The following RIOK1 variants were observed in gnomAD, a reference collection of about 807,000 sequenced individuals.
RIOK1 encodes the protein RIO kinase 1.
In RIOK1, 66 loss-of-function variants were observed where a neutral mutation model predicts 73.5. The observed-to-expected ratio is 0.90, with a 90% confidence interval of 0.74 to 1.10. RIOK1 has a LOEUF of 1.10. RIOK1 is among the 50% of genes least tolerant of loss of function. The pLI is 0.00. For synonymous variants in RIOK1, 224 were observed against 226.8 expected (o/e 0.99, Z 0.11); for missense variants, 658 against 699.8 (o/e 0.94, Z 0.67).
intron 9 of RIOK1, among the ~76,000 whole-genome samples, 167 bp downstream of exon 9, chr6:7,404,194 G>T (rs1761683428): frequency 6.6e-6 from 1 of 152,138 alleles, no homozygotes; most frequent in East Asian, 1.9e-4. Flanking sequence ...GTCTGAAAAT[G>T]CTTCAGAATG....
At position 7,417,328 on chromosome 6, in the gene RIOK1, CAGG is replaced by C; in HGVS notation, c.1597-1_1598del. 6.7e-7 allele frequency: 1 copy of C among 1,496,628 alleles called. No individual in the cohort carries two copies. Among genetic ancestry groups the C allele is most frequent in the Non-Finnish European group, 8.9e-7 (1 of 1,118,454 alleles). 92.7% of individuals were successfully genotyped at this position (1,496,628 alleles called of 1,614,324 possible). On this transcript the variant is annotated splice_acceptor_variant and coding_sequence_variant, in exon 17 of 17. Coordinates refer to ENST00000379834, the MANE Select transcript of RIOK1 (RefSeq NM_031480.3). LOFTEE classifies it high-confidence loss of function. The stretch of plus-strand genomic sequence containing the variant: ...AGTTGGCTTTTTTGTTTGTTTTTTA[CAGG>C]AAAGAAAAAAGATGGTCAAGGAAGC...
At chr6:7,408,421 C>T (rs1288939472) in intron 12 of RIOK1, among the ~76,000 whole-genome samples, 1 of 136,578 alleles carries the variant, frequency 7.3e-6, no homozygotes, top group Non-Finnish European at 1.6e-5. Context: ...CAACTTTGCT[C>T]CGCCTGGTGA....
At chr6:7,396,668 C>T in intron 3 of RIOK1, 35 bp from the exon 4 acceptor site, 1 of 1,332,092 alleles carries the variant, frequency 7.5e-7, no homozygotes, top group East Asian at 2.3e-5. Flanking sequence ...TTTCGTCTTA[C>T]ATATTGTTTA....
chr6:7,401,394 A>T (rs918195920), intron 6 of RIOK1, among the ~76,000 whole-genome samples: 8 of 152,122 alleles, frequency 5.3e-5, no homozygotes, highest in African/African-American at 1.9e-4. Context: ...ACCTACGGGT[A>T]TACTGCCTTC....
intron 8 of RIOK1, 148 bp from the exon 9 acceptor site, chr6:7,403,793 T>C: frequency 1.9e-6 from 1 of 533,582 alleles, no homozygotes; most frequent in African/African-American, 1.9e-5. Context: ...CTTAAAATAA[T>C]CTTAGAGTTT....
chr6:7,400,492 T>C (rs1761584692), intron 5 of RIOK1, among the ~76,000 whole-genome samples: 1 of 152,208 alleles, frequency 6.6e-6, no homozygotes. Context: ...GGAGACTTAG[T>C]GTCAAAAACA....
At position 7,404,933 on chromosome 6, in the gene RIOK1, C is replaced by T. The variant is rs753416457; in HGVS notation, c.1008C>T (p.Gly336=). ...SEFNMLYHGG[G]VYIIDVSQSV... is the part of the protein sequence containing the mutation. ...TGGCCCATAGGTACCACGGTGGAGG[C>T]GTGTATATCATTGACGTGTCTCAGT... The change falls in exon 11 of 17, where the codon GGC becomes GGT. Residue 336 remains glycine (G), a synonymous_variant. Coordinates refer to ENST00000379834, the MANE Select transcript of RIOK1 (RefSeq NM_031480.3). 2.7e-5 allele frequency: 43 copies of T among 1,613,448 alleles called. No homozygotes were observed. Among genetic ancestry groups the T allele is most frequent in the Non-Finnish European group, 3.2e-5 (38 of 1,179,528 alleles).
chr6:7,391,208 T>TG (rs1308015738), intron 1 of RIOK1, among the ~76,000 whole-genome samples: 1 of 152,248 alleles, frequency 6.6e-6, no homozygotes, highest in East Asian at 1.9e-4. Context: ...ATATGTATGT[T>TG]GAATGCTTTC....
At chr6:7,397,002 G>A (rs998197467) in intron 4 of RIOK1, among the ~76,000 whole-genome samples, 4 of 152,068 alleles carry the variant, frequency 2.6e-5, no homozygotes, top group South Asian at 4.1e-4. Context: ...GGTGGCTCAT[G>A]CCTGTAATCC....
At chr6:7,413,005 G>C in intron 15 of RIOK1, 63 bp downstream of exon 15, 1 of 820,496 alleles carries the variant, frequency 1.2e-6, no homozygotes, top group Non-Finnish European at 1.9e-6. Flanking sequence ...ATAAACTCTA[G>C]TCATACTGTT....
rs188663058 is a variant in RIOK1, at chr6:7,400,318, C to G, written c.481-640C>G. ...TTAAAAGTGTAAAACCCATTCTTAA[C>G]TTGCAAGCTAAGGAAAAACAAGCTG... On this transcript the variant is annotated intron_variant, in intron 5 of 16. Transcript: ENST00000379834. 1.5e-4 allele frequency among the ~76,000 whole-genome samples: 23 copies of G among 152,152 alleles called. No homozygotes were observed. In the East Asian group the frequency reaches 4.1e-3, roughly 27 times the overall value.
At position 7,401,005 on chromosome 6, in the gene RIOK1, A is replaced by G; in HGVS notation, c.528A>G (p.Arg176=). 1 of 1,611,798 alleles carries G rather than the reference A, an allele frequency of 6.2e-7. No individual in the cohort carries two copies. Among genetic ancestry groups the G allele is most frequent in the Non-Finnish European group, 8.5e-7 (1 of 1,178,434 alleles). Residue 176 remains arginine (R), a synonymous_variant, in exon 6 of 17, where the codon AGA becomes AGG. Transcript: ENST00000379834. ...TGATTTTATTCAAGATGTTGACTAG[A>G]GGAATCATAACAGAGATAAATGGCT... ...TRMILFKMLT[R]GIITEINGCI...
rs1761894208 is a variant in RIOK1, at chr6:7,411,884, AC to A, written c.1389+436del. On this transcript the variant is annotated intron_variant, in intron 14 of 16. Transcript: ENST00000379834. ...TATGTAACAAGAGAGAAAAAAATTC[AC>A]CCTCAATTTTTATTCGTGAAATTAG... Among the ~76,000 whole-genome samples the A allele has an allele frequency of 3.9e-5, 6 of 152,296 alleles. No homozygotes were observed. In the South Asian group the frequency reaches 1.0e-3, roughly 26 times the overall value.
Position 7,401,100 on chromosome 6 carries a change from C to T in RIOK1, c.573+50C>T, listed in dbSNP as rs779969006. On this transcript the variant is annotated intron_variant, in intron 6 of 16. Coordinates refer to ENST00000379834, the MANE Select transcript of RIOK1 (RefSeq NM_031480.3). ...ATATTTAATTTTCTTATTTCAGATA[C>T]CAGATGAAACTGGCACTTAGAACTA... 8.4e-6 allele frequency: 10 copies of T among 1,189,182 alleles called. No individual in the cohort carries two copies. In the Admixed American group the frequency reaches 1.1e-4, roughly 13 times the overall value. 73.7% of individuals were successfully genotyped at this position (1,189,182 alleles called of 1,614,324 possible). A position where few individuals can be genotyped will look rare whatever the true frequency, so the allele number is the denominator to read the frequency against.
rs1407078919 is a variant in RIOK1, at chr6:7,417,768, A to T, written c.*327A>T. The T allele has an allele frequency of 1.2e-5, 2 of 160,772 alleles. No homozygotes were observed. The highest frequency in any genetic ancestry group is 2.7e-5 in the Non-Finnish European group (2 of 73,274). The allele number at this position is 160,772 out of a possible 1,614,324, so 10.0% of individuals were successfully genotyped here. A position where few individuals can be genotyped will look rare whatever the true frequency, so the allele number is the denominator to read the frequency against. ...TGATAAATGTTTAAATGTAGTCAAC[A>T]TCTGTAACTCTTACATGAGTGTCCA... On this transcript the variant is annotated 3_prime_UTR_variant, in exon 17 of 17. Transcript: ENST00000379834.
In RIOK1 at chr6:7,390,087, CA is replaced by C; in HGVS notation, c.71+15del. 1 of 1,554,214 alleles carries C rather than the reference CA, an allele frequency of 6.4e-7. No homozygotes were observed. Among genetic ancestry groups the C allele is most frequent in the Non-Finnish European group, 8.7e-7 (1 of 1,148,688 alleles). Reference sequence around the variant, plus strand: ...CTCCTCTGACAGGTAGGCGGCCGTACAGTGCCCTGGCTCTGGGTACGGCTCT... The same window carrying C: ...CTCCTCTGACAGGTAGGCGGCCGTACGTGCCCTGGCTCTGGGTACGGCTCT... On this transcript the variant is annotated intron_variant, in intron 1 of 16. Transcript: ENST00000379834.
intron 9 of RIOK1, 72 bp from the exon 10 acceptor site, chr6:7,404,346 G>T: frequency 6.6e-7 from 1 of 1,524,920 alleles, no homozygotes; most frequent in Non-Finnish European, 9.0e-7. Flanking sequence ...AGAAGAGAAG[G>T]GCATGTAACA....
chr6:7,414,098 G>T, intron 15 of RIOK1, 140 bp from the exon 16 acceptor site: 1 of 668,486 alleles, frequency 1.5e-6, no homozygotes, highest in Non-Finnish European at 2.4e-6. Context: ...CTGGTGTTTT[G>T]ATGTTTCAGT....
intron 3 of RIOK1, among the ~76,000 whole-genome samples, chr6:7,395,932 T>C (rs1024929432): frequency 6.6e-6 from 1 of 152,168 alleles, no homozygotes; most frequent in Non-Finnish European, 1.5e-5. Context: ...GGTTTTGAAC[T>C]CCTGAGCTCA....
Sources: allele counts gnomAD v4.1 joint callset (sites outside exome capture counted in the v4.1 genomes callset), GRCh38; gene constraint gnomAD v4.1.1; transcripts MANE v1.5; gene names NCBI Gene and HGNC (gene_info 2026-07-23, HGNC 2026-07-21).